NAA60: variants seen among roughly 807,000 people sequenced by gnomAD.
The protein encoded by NAA60 is N-alpha-acetyltransferase 60.
Under a neutral mutation model 26.1 loss-of-function variants are expected in NAA60, and 8 were observed. That is an observed-to-expected ratio of 0.31 (90% CI 0.18 to 0.55). The LOEUF is 0.55. Among genes scored for constraint, NAA60 ranks in the 20% least tolerant of loss-of-function variants. NAA60 has a pLI of 0.93. For missense variants in NAA60, 290 were observed against 311.3 expected, an observed-to-expected ratio of 0.93 and a Z score of 0.51; for synonymous variants, 131 against 122.5, an observed-to-expected ratio of 1.07 and a Z score of -0.46.
upstream of NAA60, chr16:3,443,678 T>C: frequency 7.2e-7 from 1 of 1,386,372 alleles, no homozygotes; most frequent in South Asian, 1.6e-5. Context: ...AAGCAACCAT[T>C]TCCGCTTCCG....
intron 2 of NAA60, among the ~76,000 whole-genome samples, chr16:3,454,600 T>C (rs757127920): frequency 3.3e-5 from 5 of 151,906 alleles, no homozygotes; most frequent in Non-Finnish European, 7.4e-5. Context: ...GCCTGTTAGA[T>C]CAAGTGGAAG....
At chr16:3,457,977 C>T (rs2035088371) in intron 2 of NAA60, 5 of 985,052 alleles carry the variant, frequency 5.1e-6, no homozygotes, top group Non-Finnish European at 6.0e-6. Context: ...CACGTGGGGG[C>T]GGCGGCCAAT....
chr16:3,485,378 C>T (rs1340967379), intron 7 of NAA60, 89 bp from the exon 8 acceptor site: 1 of 470,582 alleles, frequency 2.1e-6, no homozygotes, highest in East Asian at 6.5e-5. Flanking sequence ...AGCACCCAGG[C>T]CCAGCTGTGT....
chr16:3,451,610 T>C (rs946547432), intron 2 of NAA60, among the ~76,000 whole-genome samples: 3 of 152,270 alleles, frequency 2.0e-5, no homozygotes, highest in Admixed American at 2.0e-4. Context: ...TTCAGTTAGA[T>C]TGCAGAAAGG....
intron 5 of NAA60, chr16:3,482,916 T>C (rs375846995): frequency 2.0e-5 from 10 of 507,558 alleles, no homozygotes; most frequent in East Asian, 3.5e-5. Flanking sequence ...ACAACTCGTG[T>C]ATTCACTGCT....
chr16:3,476,248 C>T lies in NAA60; in HGVS notation c.21C>T (p.Ser7=). 3 of 1,613,534 alleles carry T rather than the reference C, an allele frequency of 1.9e-6. No homozygotes were observed. The highest frequency in any genetic ancestry group is 8.5e-7 in the Non-Finnish European group (1 of 1,179,688). The change falls in exon 3 of 8, where the codon TCC becomes TCT. Residue 7 remains serine (S), a synonymous_variant. Coordinates refer to ENST00000407558, the MANE Select transcript of NAA60 (RefSeq NM_001083601.3). MTEVVP[S]SALSEVSLRL... The stretch of plus-strand genomic sequence containing the variant: ...TGTGAATGACAGAGGTGGTGCCATC[C>T]AGCGCGCTCAGCGAGGTCAGCCTGC...
intron 2 of NAA60, among the ~76,000 whole-genome samples, chr16:3,453,783 A>G (rs2150951222): frequency 6.6e-6 from 1 of 152,250 alleles, no homozygotes; most frequent in East Asian, 1.9e-4. Context: ...ATTTGTGTAC[A>G]AGATTGTAAG....
At chr16:3,458,134 T>C in intron 2 of NAA60, 1 of 985,020 alleles carries the variant, frequency 1.0e-6, no homozygotes, top group Non-Finnish European at 1.2e-6. Flanking sequence ...GCCTCCAGGA[T>C]GCGCTGAGCC....
chr16:3,446,339 G>A (rs2034551180), intron 1 of NAA60, among the ~76,000 whole-genome samples: 1 of 152,098 alleles, frequency 6.6e-6, no homozygotes, highest in Middle Eastern at 3.4e-3. Flanking sequence ...AGACCATCCT[G>A]GCTAACACGA....
chr16:3,481,608 C>T (rs907298377), intron 4 of NAA60, among the ~76,000 whole-genome samples: 2 of 152,346 alleles, frequency 1.3e-5, no homozygotes, highest in African/African-American at 4.8e-5. Flanking sequence ...GTAGAGGGCC[C>T]TCTGGCCTGC....
intron 1 of NAA60, chr16:3,447,616 C>G: frequency 1.0e-6 from 1 of 985,364 alleles, no homozygotes; most frequent in Non-Finnish European, 1.2e-6. Context: ...ACTAAGGGGG[C>G]CTAGGTAAGC....
chr16:3,455,386 GTTTTTTT>G (rs35501650), intron 2 of NAA60, among the ~76,000 whole-genome samples: 7 of 101,962 alleles, frequency 6.9e-5, no homozygotes, highest in Non-Finnish European at 1.3e-4. Context: ...AGAGTTTTTA[GTTTTTTT>G]TTTTTTTTTT....
At chr16:3,479,779 G>A (rs4010628) in intron 4 of NAA60, among the ~76,000 whole-genome samples, 179 bp downstream of exon 4, 16,352 of 152,140 alleles carry the variant, frequency 0.11, 917 homozygotes, top group Non-Finnish European at 0.13. Context: ...GTGTGTGTGT[G>A]TGATTTCATG....
chr16:3,453,294 A>G (rs1053109437), intron 2 of NAA60, among the ~76,000 whole-genome samples: 22 of 152,096 alleles, frequency 1.4e-4, no homozygotes, highest in African/African-American at 4.8e-4. Context: ...TCTACTCAGG[A>G]GGCTGGGGCA....
At chr16:3,446,697 G>A (rs2034570902) in intron 1 of NAA60, among the ~76,000 whole-genome samples, 1 of 149,386 alleles carries the variant, frequency 6.7e-6, no homozygotes, top group Admixed American at 6.7e-5. Context: ...TGCAACTTCC[G>A]CCTCCTGGGT....
At chr16:3,466,464 G>A (rs1000737820) in intron 2 of NAA60, among the ~76,000 whole-genome samples, 2 of 152,208 alleles carry the variant, frequency 1.3e-5, no homozygotes, top group Non-Finnish European at 2.9e-5. Flanking sequence ...AGTGTTAGCT[G>A]CTGACATCCT....
At chr16:3,456,263 AG>A (rs1206403236) in intron 2 of NAA60, among the ~76,000 whole-genome samples, 1 of 152,190 alleles carries the variant, frequency 6.6e-6, no homozygotes, top group African/African-American at 2.4e-5. Flanking sequence ...AGTCCAACTG[AG>A]TCCTGAGGTT....
chr16:3,457,353 G>A (rs896217925), intron 2 of NAA60, among the ~76,000 whole-genome samples: 10 of 152,140 alleles, frequency 6.6e-5, no homozygotes, highest in Admixed American at 3.9e-4. Flanking sequence ...CTGTAGTCTC[G>A]GCTACTTGGG....
At position 3,479,686 on chromosome 16, in the gene NAA60, C is replaced by G. The variant is rs1452684878; in HGVS notation, c.240+86C>G. 3 of 1,492,878 alleles carry G rather than the reference C, an allele frequency of 2.0e-6. No individual in the cohort carries two copies. The African/African-American group carries it at 4.1e-5, about 21-fold the overall frequency. The allele number at this position is 1,492,878 out of a possible 1,614,324, so 92.5% of individuals were successfully genotyped here. On this transcript the variant is annotated intron_variant, in intron 4 of 7. Coordinates refer to ENST00000407558, the MANE Select transcript of NAA60 (RefSeq NM_001083601.3). ...TTGCGATGGAATCATGCTGCCTGCT[C>G]CACAGCCGTCGTCCAAGGAGCCTGT...
Sources: gnomAD v4.1 joint callset for allele counts (sites outside exome capture counted in the v4.1 genomes callset) on GRCh38, gnomAD v4.1.1 for gene constraint, MANE v1.5 for transcripts, NCBI Gene and HGNC (gene_info 2026-07-23, HGNC 2026-07-21) for gene names.